TP53I11: variants seen among roughly 807,000 people sequenced by gnomAD.
TP53I11 encodes tumor protein p53-inducible protein 11.
TP53I11 carries 9 observed loss-of-function variants against 23.3 expected under a neutral mutation model. That is an observed-to-expected ratio of 0.39 (90% CI 0.23 to 0.67). The LOEUF is 0.67. TP53I11 is among the 30% of genes least tolerant of loss of function. TP53I11 has a pLI of 0.48. For synonymous variants in TP53I11, 100 were observed against 106.1 expected (o/e 0.94, Z 0.35); for missense variants, 170 against 255.2 (o/e 0.67, Z 2.27).
rs370406810 is a variant in TP53I11, at chr11:44,949,482, G to T, written c.-32+1195C>A. On this transcript the variant is annotated intron_variant, in intron 1 of 6. Coordinates refer to ENST00000525680, the MANE Select transcript of TP53I11 (RefSeq NM_006034.5). ...GCCGCTCTGGGCTTTGGAGGAGCCT[G>T]GGGGTTCTTGGCCTCCGCGCTGCTC... Among the ~76,000 whole-genome samples the T allele has an allele frequency of 9.2e-5, 14 of 152,332 alleles. No homozygotes were observed. In the East Asian group the frequency reaches 2.3e-3, roughly 25 times the overall value.
At chr11:44,935,734 T>C in intron 5 of TP53I11, 72 bp from the exon 6 acceptor site, 1 of 1,078,160 alleles carries the variant, frequency 9.3e-7, no homozygotes, top group South Asian at 1.3e-5. Context: ...GGAGGACTGC[T>C]CCTGCTTCCT....
intron 1 of TP53I11, among the ~76,000 whole-genome samples, chr11:44,938,879 C>T (rs1861463036): frequency 6.6e-6 from 1 of 152,180 alleles, no homozygotes. Flanking sequence ...CCCCTTCAAA[C>T]CTGCCAAGAC....
chr11:44,950,680 C>T lies in TP53I11; in HGVS notation c.-35G>A, dbSNP rs1263333322. Reference sequence around the variant, plus strand: ...GGCGGCGGGGAGCAGAACTTACGGGCCTCGCGCGTGCCGGCGCTGGGCTAC... The same window carrying T: ...GGCGGCGGGGAGCAGAACTTACGGGTCTCGCGCGTGCCGGCGCTGGGCTAC... On this transcript the variant is annotated 5_prime_UTR_variant, in exon 1 of 7. Coordinates refer to ENST00000525680, the MANE Select transcript of TP53I11 (RefSeq NM_006034.5). 6.6e-6 allele frequency: 1 copy of T among 152,116 alleles called. No homozygotes were observed. Among genetic ancestry groups the T allele is most frequent in the African/African-American group, 2.4e-5 (1 of 41,392 alleles). 9.4% of individuals were successfully genotyped at this position (152,116 alleles called of 1,614,324 possible).
chr11:44,933,669 C>T lies in TP53I11; in HGVS notation c.*1215G>A, dbSNP rs1860785952. The T allele has an allele frequency of 6.5e-6, 1 of 153,124 alleles. No homozygotes were observed. The highest frequency in any genetic ancestry group is 1.9e-4 in the East Asian group (1 of 5,186). 9.5% of individuals were successfully genotyped at this position (153,124 alleles called of 1,614,324 possible). On this transcript the variant is annotated 3_prime_UTR_variant, in exon 7 of 7. Transcript: ENST00000525680. ...GAGGCAGGGCAGGGGCTGTTCGGCCCCAAGACAGCCAGTTGTCAGCCTTTG... is the reference window on the plus strand; with the variant it reads ...GAGGCAGGGCAGGGGCTGTTCGGCCTCAAGACAGCCAGTTGTCAGCCTTTG...
At chr11:44,939,901 G>A (rs1388371612) in intron 1 of TP53I11, among the ~76,000 whole-genome samples, 1 of 152,204 alleles carries the variant, frequency 6.6e-6, no homozygotes, top group Admixed American at 6.5e-5. Flanking sequence ...AGACAGCGGC[G>A]GGTGGTAACT....
At chr11:44,937,040 G>T in intron 4 of TP53I11, 141 bp from the exon 5 acceptor site, 1 of 745,120 alleles carries the variant, frequency 1.3e-6, no homozygotes, top group Non-Finnish European at 2.2e-6. Context: ...GGACCCAATT[G>T]TCCCCACCCG....
chr11:44,947,054 G>A (rs777899309), intron 1 of TP53I11: 16 of 456,374 alleles, frequency 3.5e-5, no homozygotes, highest in Middle Eastern at 6.5e-4. Context: ...TGAAGAGGGC[G>A]AGAGGTCAGG....
chr11:44,934,430 T>G lies in TP53I11; in HGVS notation c.*454A>C. ...TTCCAGGATTAGAAGGAAGCCAAGT[T>G]TAGCTGCTTGGGCACTAGGTTGGCT... On this transcript the variant is annotated 3_prime_UTR_variant, in exon 7 of 7. Coordinates refer to ENST00000525680, the MANE Select transcript of TP53I11 (RefSeq NM_006034.5). 5.7e-6 allele frequency: 1 copy of G among 176,674 alleles called. No homozygotes were observed. Among genetic ancestry groups the G allele is most frequent in the East Asian group, 1.4e-4 (1 of 7,184 alleles). 10.9% of individuals were successfully genotyped at this position (176,674 alleles called of 1,614,324 possible). A position where few individuals can be genotyped will look rare whatever the true frequency, so the allele number is the denominator to read the frequency against.
At chr11:44,950,525 C>G (rs1242137342) in intron 1 of TP53I11, among the ~76,000 whole-genome samples, 152 bp downstream of exon 1, 1 of 151,792 alleles carries the variant, frequency 6.6e-6, no homozygotes, top group Non-Finnish European at 1.5e-5. Flanking sequence ...GCCGAGATGT[C>G]CCGGGGCGCC....
At chr11:44,939,625 T>A (rs943939439) in intron 1 of TP53I11, among the ~76,000 whole-genome samples, 5 of 152,266 alleles carry the variant, frequency 3.3e-5, no homozygotes, top group African/African-American at 7.2e-5. Flanking sequence ...TGTCTTAAAA[T>A]AAAGCACCCG....
At position 44,949,372 on chromosome 11, in the gene TP53I11, C is replaced by T. The variant is rs1336593105; in HGVS notation, c.-32+1305G>A. Among the ~76,000 whole-genome samples the T allele has an allele frequency of 2.6e-5, 4 of 152,220 alleles. No homozygotes were observed. The East Asian group carries it at 5.8e-4, about 22-fold the overall frequency. ...GTGGGCAGCCCCGGTGACTTCTCCC[C>T]GCAGGCCCGCCCCGTCAAGAAGTTT... is the stretch of plus-strand genomic sequence containing the variant. On this transcript the variant is annotated intron_variant, in intron 1 of 6. Coordinates refer to ENST00000525680, the MANE Select transcript of TP53I11 (RefSeq NM_006034.5).
At chr11:44,935,053 A>T (rs77647154) in intron 6 of TP53I11, 36 bp from the exon 7 acceptor site, 2 of 1,611,288 alleles carry the variant, frequency 1.2e-6, no homozygotes, top group Non-Finnish European at 1.7e-6. Flanking sequence ...ACAGGGTCAG[A>T]GGAGGGGATG....
In TP53I11 at chr11:44,944,716, A is replaced by G. The variant is rs115295975; in HGVS notation, c.-32+5961T>C. ...TGAGCCTCTATGTCCTCATCTGTGA[A>G]ACCAGACTACTACTTCTGTACAAAG... On this transcript the variant is annotated intron_variant, in intron 1 of 6. Transcript: ENST00000525680. Among the ~76,000 whole-genome samples, 273 of 152,314 alleles carry G rather than the reference A, an allele frequency of 1.8e-3. 3 individuals are homozygous for G. The highest frequency in any genetic ancestry group is 5.7e-3 in the African/African-American group (235 of 41,556).
intron 1 of TP53I11, chr11:44,947,068 G>A (rs1047629997): frequency 4.4e-6 from 2 of 456,264 alleles, no homozygotes; most frequent in African/African-American, 4.0e-5. Context: ...GGTCAGGGCA[G>A]AGCAGGTGGC....
chr11:44,937,158 A>G, intron 4 of TP53I11, 146 bp downstream of exon 4: 1 of 996,388 alleles, frequency 1.0e-6, no homozygotes, highest in Non-Finnish European at 1.5e-6. Flanking sequence ...GCAGTGTAGG[A>G]GTCAGGTTCT....
At chr11:44,945,503 C>T (rs535056331) in intron 1 of TP53I11, among the ~76,000 whole-genome samples, 2 of 151,760 alleles carry the variant, frequency 1.3e-5, no homozygotes, top group South Asian at 2.1e-4. Flanking sequence ...GGTGGGGGGG[C>T]GTTTGGTGGA....
At chr11:44,949,458 C>A (rs1308328295) in intron 1 of TP53I11, among the ~76,000 whole-genome samples, 1 of 152,202 alleles carries the variant, frequency 6.6e-6, no homozygotes, top group Non-Finnish European at 1.5e-5. Context: ...CCTTGGCCAG[C>A]CGCTCTGGGC....
rs1862895840 is a variant in TP53I11 at position 44,950,821 on chromosome 11, A to AGGGCCGGGCC, written c.-177_-176insGGCCCGGCCC. On this transcript the variant is annotated 5_prime_UTR_variant, in exon 1 of 7. Coordinates refer to ENST00000525680, the MANE Select transcript of TP53I11 (RefSeq NM_006034.5). ...AGGGCAGGGCAGGACAGGGCAGGGCAGGGCAGGGCCGGGCCGGCTGGACTG... is the reference window on the plus strand; with the variant it reads ...AGGGCAGGGCAGGACAGGGCAGGGCAGGGCCGGGCCGGGCAGGGCCGGGCCGGCTGGACTG... The AGGGCCGGGCC allele has an allele frequency of 6.6e-6, 1 of 151,790 alleles. No individual in the cohort carries two copies. Among genetic ancestry groups the AGGGCCGGGCC allele is most frequent in the Admixed American group, 6.6e-5 (1 of 15,186 alleles). The allele number at this position is 151,790 out of a possible 1,614,324, so 9.4% of individuals were successfully genotyped here.
chr11:44,936,182 C>T lies in TP53I11; in HGVS notation c.335-520G>A, dbSNP rs779669731. ...CACTGACTTGGCCTCTAGCAGGCCC[C>T]GCCCACCCAGTGTCTGCTGGTACCA... On this transcript the variant is annotated intron_variant, in intron 5 of 6. Transcript: ENST00000525680. This position sits in a 1 kb window ranked among gnomAD's most constrained non-coding sequence, Gnocchi z 4.4. The T allele has an allele frequency of 4.0e-6, 4 of 1,007,944 alleles. No homozygotes were observed. The highest frequency in any genetic ancestry group is 4.7e-6 in the Non-Finnish European group (4 of 843,800). 62.4% of individuals were successfully genotyped at this position (1,007,944 alleles called of 1,614,324 possible).
Sources: allele counts gnomAD v4.1 joint callset (sites outside exome capture counted in the v4.1 genomes callset), GRCh38; gene constraint gnomAD v4.1.1; non-coding constraint Gnocchi (gnomAD v3.1); transcripts MANE v1.5; gene names NCBI Gene and HGNC (gene_info 2026-07-23, HGNC 2026-07-21).